Variants in DOCK9 observed in about 807,000 individuals in gnomAD.
DOCK9 encodes the protein dedicator of cytokinesis protein 9.
In DOCK9, 89 loss-of-function variants were observed where a neutral mutation model predicts 263.3. The observed-to-expected ratio is 0.34, with a 90% CI of 0.28 to 0.40. The LOEUF (loss-of-function observed/expected upper bound fraction) is 0.40, where lower values mean the gene tolerates loss of function less well. Among genes scored for constraint, DOCK9 ranks in the 10% least tolerant of loss-of-function variants. The probability of loss-of-function intolerance (pLI) is 1.00; values close to 1 mark genes in which losing one functional copy is unlikely to be tolerated. For missense variants in DOCK9, 2,140 were observed against 2,603.4 expected, an observed-to-expected ratio of 0.82 and a Z score of 3.87; for synonymous variants, 976 against 973.1, an observed-to-expected ratio of 1.00 and a Z score of -0.06.
chr13:98,928,319 T>C (rs2053367850), intron 3 of DOCK9, among the ~76,000 whole-genome samples: 1 of 152,266 alleles, frequency 6.6e-6, no homozygotes, highest in South Asian at 2.1e-4. Flanking sequence ...TGAAAGGTTT[T>C]TGAAGTTTTT....
At chr13:98,909,109 C>T (rs1268121551) in intron 9 of DOCK9, among the ~76,000 whole-genome samples, 1 of 152,110 alleles carries the variant, frequency 6.6e-6, no homozygotes, top group Non-Finnish European at 1.5e-5. Flanking sequence ...CTCTGGGTTT[C>T]GTGGAGAGGA....
At chr13:98,966,325 C>A (rs1012776242) in intron 1 of DOCK9, among the ~76,000 whole-genome samples, 1 of 152,196 alleles carries the variant, frequency 6.6e-6, no homozygotes, top group African/African-American at 2.4e-5. Flanking sequence ...GGGAACACAG[C>A]GAGAACCAGG....
intron 1 of DOCK9, among the ~76,000 whole-genome samples, chr13:98,971,754 TAG>T (rs1334024593): frequency 6.6e-6 from 1 of 152,168 alleles, no homozygotes; most frequent in Admixed American, 6.5e-5. Flanking sequence ...TGCAGATTCT[TAG>T]ACTCTCACCA....
intron 39 of DOCK9, among the ~76,000 whole-genome samples, chr13:98,836,116 C>T (rs1371685124): frequency 1.3e-5 from 2 of 152,066 alleles, no homozygotes; most frequent in Non-Finnish European, 2.9e-5. Flanking sequence ...GTAAGGAAAC[C>T]GTCACTGTTC....
At position 98,794,632 on chromosome 13, in the gene DOCK9, G is replaced by T. The variant is rs1432601115; in HGVS notation, c.6273C>A (p.Val2091=). The change falls in exon 53 of 53, where the codon GTC becomes GTA. Residue 2091 remains valine, a synonymous_variant. Coordinates refer to ENST00000682017, the MANE Select transcript of DOCK9 (RefSeq NM_001366683.2). ...MVHGMTSSSS[V]V is the part of the protein sequence containing the mutation. ...CACGGGCCATGAGATGTAATCACAC[G>T]ACCGAAGACGAGCTGGTCATCCCGT... is the stretch of plus-strand genomic sequence containing the variant. 5.6e-6 allele frequency: 9 copies of T among 1,595,076 alleles called. No homozygotes were observed. The highest frequency in any genetic ancestry group is 7.7e-6 in the Non-Finnish European group (9 of 1,170,604).
At chr13:98,807,984 A>C (rs371083807) in intron 47 of DOCK9, among the ~76,000 whole-genome samples, 177 bp from the exon 48 acceptor site, 5 of 152,358 alleles carry the variant, frequency 3.3e-5, no homozygotes, top group African/African-American at 1.2e-4. Context: ...TGCAAAGGTA[A>C]AGGAAAAACA....
At chr13:98,888,076 A>G in intron 18 of DOCK9, 82 bp downstream of exon 18, 1 of 874,986 alleles carries the variant, frequency 1.1e-6, no homozygotes, top group Non-Finnish European at 1.8e-6. Context: ...AAACTGTTGT[A>G]GTTGTACGGT....
intron 2 of DOCK9, among the ~76,000 whole-genome samples, chr13:98,941,387 T>G (rs1390212678): frequency 6.6e-5 from 10 of 152,222 alleles, no homozygotes; most frequent in Non-Finnish European, 1.5e-4. Flanking sequence ...CACCAAATAA[T>G]GTACTGCTTC....
At chr13:98,975,508 C>CACA (rs1204680554) in intron 1 of DOCK9, among the ~76,000 whole-genome samples, 4 of 148,348 alleles carry the variant, frequency 2.7e-5, no homozygotes, top group Middle Eastern at 3.5e-3. Flanking sequence ...CACACACACA[C>CACA]AAGTTATACT....
At chr13:98,907,068 G>T (rs1265286889) in intron 9 of DOCK9, among the ~76,000 whole-genome samples, 1 of 152,140 alleles carries the variant, frequency 6.6e-6, no homozygotes, top group African/African-American at 2.4e-5. Context: ...TGGGAGATGG[G>T]ACCACTTCAT....
chr13:98,915,018 G>A (rs1297545116), intron 8 of DOCK9, among the ~76,000 whole-genome samples: 2 of 152,030 alleles, frequency 1.3e-5, no homozygotes, highest in African/African-American at 4.8e-5. Context: ...GTCAACTGAG[G>A]CTCAGAAAAC....
intron 1 of DOCK9, among the ~76,000 whole-genome samples, chr13:99,059,052 AC>A (rs2041063917): frequency 6.6e-6 from 1 of 151,572 alleles, no homozygotes; most frequent in African/African-American, 2.4e-5. Flanking sequence ...TCTCTCCACT[AC>A]CCGTCCTGTA....
intron 10 of DOCK9, 74 bp from the exon 11 acceptor site, chr13:98,903,186 G>C: frequency 8.4e-7 from 1 of 1,190,156 alleles, no homozygotes; most frequent in Non-Finnish European, 1.1e-6. Context: ...GCATCCAAAG[G>C]AAACGGAATA....
intron 5 of DOCK9, 61 bp from the exon 6 acceptor site, chr13:98,922,207 G>A: frequency 7.6e-7 from 1 of 1,322,456 alleles, no homozygotes; most frequent in Admixed American, 2.0e-5. Flanking sequence ...TGCTTGCTGT[G>A]AGTTTGGTCA....
At chr13:98,809,830 CA>C (rs1251463899) in intron 46 of DOCK9, among the ~76,000 whole-genome samples, 1 of 152,170 alleles carries the variant, frequency 6.6e-6, no homozygotes, top group Admixed American at 6.5e-5. Flanking sequence ...GAAGGGACAC[CA>C]TTTTTTCACG....
chr13:98,902,952 T>C lies in DOCK9; in HGVS notation c.1176+20A>G, dbSNP rs752484792. 6.0e-6 allele frequency: 9 copies of C among 1,495,338 alleles called. No individual in the cohort carries two copies. Among genetic ancestry groups the C allele is most frequent in the East Asian group, 2.5e-5 (1 of 39,992 alleles). 92.6% of individuals were successfully genotyped at this position (1,495,338 alleles called of 1,614,324 possible). ...CTGCCTATTTTTTTTTTAATGTTTA[T>C]TTTTAAAATGAAAAATTACATTTGT... On this transcript the variant is annotated intron_variant, in intron 11 of 52. Coordinates refer to ENST00000682017, the MANE Select transcript of DOCK9 (RefSeq NM_001366683.2).
chr13:98,826,797 T>G, intron 44 of DOCK9, 33 bp downstream of exon 44: 2 of 1,556,974 alleles, frequency 1.3e-6, no homozygotes, highest in Non-Finnish European at 1.8e-6. Flanking sequence ...TTTATACTAA[T>G]TAATTTCACA....
chr13:98,999,463 G>C (rs528576454), intron 1 of DOCK9, among the ~76,000 whole-genome samples: 1 of 152,216 alleles, frequency 6.6e-6, no homozygotes, highest in South Asian at 2.1e-4. Flanking sequence ...GATTTCCCTT[G>C]CTTGTTTCCA....
At chr13:99,052,039 C>G (rs1184893098) in intron 1 of DOCK9, among the ~76,000 whole-genome samples, 3 of 152,140 alleles carry the variant, frequency 2.0e-5, no homozygotes, top group Non-Finnish European at 4.4e-5. Flanking sequence ...AGCCAAGTAC[C>G]ATTCCTGTTT....
Sources: allele counts gnomAD v4.1 joint callset (sites outside exome capture counted in the v4.1 genomes callset), GRCh38; gene constraint gnomAD v4.1.1; transcripts MANE v1.5; gene names NCBI Gene and HGNC (gene_info 2026-07-23, HGNC 2026-07-21).